The following PTPRD variants were observed in gnomAD, a reference collection of about 807,000 sequenced individuals.
PTPRD encodes the protein receptor-type tyrosine-protein phosphatase delta.
A neutral mutation model predicts 214.5 loss-of-function variants in PTPRD; 34 were observed. That is an observed-to-expected ratio of 0.16 (90% confidence interval 0.12 to 0.21). PTPRD has a LOEUF of 0.21. PTPRD is among the 10% of genes least tolerant of loss of function. The probability of loss-of-function intolerance (pLI) is 1.00; values close to 1 mark genes in which losing one functional copy is unlikely to be tolerated. For missense variants in PTPRD, 2,545 were observed against 2,398.7 expected (o/e 1.06, Z -1.27); for synonymous variants, 1,128 against 845.7 (o/e 1.33, Z -5.79).
At chr9:9,715,809 G>C (rs999964260) in intron 7 of PTPRD, among the ~76,000 whole-genome samples, 1 of 151,958 alleles carries the variant, frequency 6.6e-6, no homozygotes, top group Non-Finnish European at 1.5e-5. Flanking sequence ...ATTCTAACAC[G>C]GACCCCTTTA....
chr9:8,985,652 A>T (rs1470926552), intron 11 of PTPRD, among the ~76,000 whole-genome samples: 1 of 151,992 alleles, frequency 6.6e-6, no homozygotes, highest in Non-Finnish European at 1.5e-5. Flanking sequence ...CAAAAAAAAA[A>T]AAAAAGATTC....
chr9:9,678,416 A>T (rs532484044), intron 7 of PTPRD, among the ~76,000 whole-genome samples: 4 of 152,092 alleles, frequency 2.6e-5, no homozygotes, highest in Non-Finnish European at 5.9e-5. Flanking sequence ...ATAATGCCGC[A>T]TATCTACAAC....
intron 33 of PTPRD, among the ~76,000 whole-genome samples, chr9:8,451,293 T>G (rs1231510181): frequency 6.6e-6 from 1 of 152,210 alleles, no homozygotes; most frequent in African/African-American, 2.4e-5. Flanking sequence ...TGAGGATTTC[T>G]TCTTTCTACC....
intron 5 of PTPRD, among the ~76,000 whole-genome samples, chr9:9,893,425 T>C (rs554714608): frequency 1.3e-5 from 2 of 152,122 alleles, no homozygotes; most frequent in South Asian, 2.1e-4. Flanking sequence ...AATAATGAGA[T>C]GGAGGAACAT....
At chr9:8,907,379 A>G (rs1010571709) in intron 11 of PTPRD, among the ~76,000 whole-genome samples, 1 of 151,782 alleles carries the variant, frequency 6.6e-6, no homozygotes, top group Non-Finnish European at 1.5e-5. Flanking sequence ...TTAGCTAGGC[A>G]TGGTGGTGGT....
chr9:8,975,829 T>A (rs1486906244), intron 11 of PTPRD, among the ~76,000 whole-genome samples: 1 of 151,562 alleles, frequency 6.6e-6, no homozygotes, highest in East Asian at 1.9e-4. Flanking sequence ...CATCCAAAAT[T>A]GATATTAAAT....
intron 3 of PTPRD, among the ~76,000 whole-genome samples, chr9:10,317,936 A>G (rs1324990120): frequency 1.3e-5 from 2 of 152,056 alleles, no homozygotes; most frequent in African/African-American, 4.8e-5. Context: ...TTCACAATAG[A>G]TATGACATTT....
At chr9:8,544,799 T>C (rs574380303) in intron 14 of PTPRD, among the ~76,000 whole-genome samples, 1 of 151,928 alleles carries the variant, frequency 6.6e-6, no homozygotes, top group Non-Finnish European at 1.5e-5. Flanking sequence ...AAAACAGCGG[T>C]TGCTTTTGTA....
At chr9:9,168,966 T>C (rs2099909291) in intron 10 of PTPRD, among the ~76,000 whole-genome samples, 1 of 151,872 alleles carries the variant, frequency 6.6e-6, no homozygotes, top group Non-Finnish European at 1.5e-5. Flanking sequence ...ATAATTTGGA[T>C]ATATACTTTT....
At chr9:9,593,485 C>T (rs1310292013) in intron 7 of PTPRD, among the ~76,000 whole-genome samples, 1 of 151,818 alleles carries the variant, frequency 6.6e-6, no homozygotes, top group Non-Finnish European at 1.5e-5. Context: ...CTATAGAAGA[C>T]ATATTTGAGA....
intron 4 of PTPRD, among the ~76,000 whole-genome samples, chr9:9,981,178 G>C (rs541309950): frequency 1.3e-5 from 2 of 152,268 alleles, no homozygotes; most frequent in African/African-American, 4.8e-5. Context: ...ATAAAATGCA[G>C]TGGATGTATA....
intron 8 of PTPRD, among the ~76,000 whole-genome samples, chr9:9,515,193 A>C (rs906084563): frequency 1.3e-5 from 2 of 152,022 alleles, no homozygotes; most frequent in African/African-American, 4.8e-5. Flanking sequence ...TTTTGTAAAC[A>C]CTTCAATCTA....
At chr9:9,482,684 C>G (rs1009147220) in intron 8 of PTPRD, among the ~76,000 whole-genome samples, 4 of 152,156 alleles carry the variant, frequency 2.6e-5, no homozygotes, top group Admixed American at 2.0e-4. Context: ...CTAAGCACAA[C>G]TTAAATAGCA....
chr9:8,331,534 A>AAGAAACACCACCACTTATCACTGCTTT, intron 44 of PTPRD, 48 bp downstream of exon 44: 2 of 1,386,264 alleles, frequency 1.4e-6, no homozygotes, highest in East Asian at 5.0e-5. Context: ...ACAGACAATG[A>AAGAAACACCACCACTTATCACTGCTTT]AGAAACACCA....
At chr9:8,527,852 G>A (rs2074613018) in intron 15 of PTPRD, among the ~76,000 whole-genome samples, 1 of 152,138 alleles carries the variant, frequency 6.6e-6, no homozygotes, top group Non-Finnish European at 1.5e-5. Context: ...GCAGACTTCT[G>A]TAGATCCAGT....
chr9:9,580,753 T>C lies in PTPRD; in HGVS notation c.-286-5972A>G, dbSNP rs539139169. Among the ~76,000 whole-genome samples, 208 of 152,122 alleles carry C rather than the reference T, an allele frequency of 1.4e-3. 2 individuals carry two copies. The highest frequency in any genetic ancestry group is 2.5e-3 in the Non-Finnish European group (169 of 67,982). ...TAGTAGAGATGGGCTTTCAGCACGT[T>C]GGCCAGGGTGGTCTCAAACTCCTGA... On this transcript the variant is annotated intron_variant, in intron 7 of 45. Coordinates refer to ENST00000381196, the MANE Select transcript of PTPRD (RefSeq NM_002839.4).
At chr9:8,519,822 G>C (rs961358210) in intron 20 of PTPRD, among the ~76,000 whole-genome samples, 1 of 152,084 alleles carries the variant, frequency 6.6e-6, no homozygotes, top group Non-Finnish European at 1.5e-5. Flanking sequence ...GCAAGAGTCA[G>C]GAAAACAAAG....
At chr9:10,330,389 C>T (rs2096727091) in intron 3 of PTPRD, among the ~76,000 whole-genome samples, 1 of 151,758 alleles carries the variant, frequency 6.6e-6, no homozygotes, top group South Asian at 2.1e-4. Flanking sequence ...AATTCCTGGG[C>T]AGATTTGCAC....
At chr9:10,442,725 A>G (rs1001092635) in intron 2 of PTPRD, among the ~76,000 whole-genome samples, 5 of 151,540 alleles carry the variant, frequency 3.3e-5, no homozygotes, top group African/African-American at 4.8e-5. Flanking sequence ...GCAAGCATAA[A>G]TCTTTACTTC....
Sources: gnomAD v4.1 joint callset for allele counts (sites outside exome capture counted in the v4.1 genomes callset) on GRCh38, gnomAD v4.1.1 for gene constraint, MANE v1.5 for transcripts, NCBI Gene and HGNC (gene_info 2026-07-23, HGNC 2026-07-21) for gene names.